KIRREL1: variants seen among roughly 807,000 people sequenced by gnomAD.
KIRREL1 encodes kin of IRRE-like protein 1.
A neutral mutation model predicts 83.3 loss-of-function variants in KIRREL1; 25 were observed. The ratio of observed to expected loss-of-function variants is 0.30; its 90% CI spans 0.22 to 0.42. The LOEUF (loss-of-function observed/expected upper bound fraction) is 0.42, where lower values mean the gene tolerates loss of function less well. KIRREL1 is among the 10% of genes least tolerant of loss of function. KIRREL1 has a pLI of 1.00. For synonymous variants in KIRREL1, 388 were observed against 410.4 expected (o/e 0.95, Z 0.66); for missense variants, 812 against 1,032.3 (o/e 0.79, Z 2.92).
chr1:158,088,950 G>A (rs1662107485), intron 8 of KIRREL1, among the ~76,000 whole-genome samples: 1 of 151,864 alleles, frequency 6.6e-6, no homozygotes, highest in Non-Finnish European at 1.5e-5. Context: ...GCCCAGTTCA[G>A]AAGCACTGGG....
chr1:158,084,833 C>T (rs1452012824), intron 4 of KIRREL1, among the ~76,000 whole-genome samples: 2 of 152,240 alleles, frequency 1.3e-5, no homozygotes, highest in East Asian at 1.9e-4. Flanking sequence ...GGATTAAGCA[C>T]CTACTGTGTG....
intron 1 of KIRREL1, among the ~76,000 whole-genome samples, chr1:158,026,689 C>A (rs1490106280): frequency 7.4e-6 from 1 of 134,566 alleles, no homozygotes; most frequent in African/African-American, 2.6e-5. Context: ...TTTTATCATC[C>A]CCATTTTACA....
intron 1 of KIRREL1, among the ~76,000 whole-genome samples, chr1:157,996,047 G>A (rs1659190244): frequency 6.7e-6 from 1 of 148,408 alleles, no homozygotes; most frequent in Admixed American, 6.7e-5. Flanking sequence ...ACGGAGGGGG[G>A]CGCTACAAAA....
At position 158,099,309 on chromosome 1, in the gene KIRREL1, G is replaced by A. The variant is rs11897; in HGVS notation, c.*4189G>A. The A allele has an allele frequency of 0.7, 106,941 of 152,178 alleles. 37,876 individuals are homozygous for A. Among genetic ancestry groups the A allele is most frequent in the South Asian group, 0.81 (3,892 of 4,820 alleles). The allele number at this position is 152,178 out of a possible 1,614,324, so 9.4% of individuals were successfully genotyped here. A position where few individuals can be genotyped will look rare whatever the true frequency, so the allele number is the denominator to read the frequency against. ...AGGCATTTATTTTTGTGAAGATGCT[G>A]TAAAATTAGCATTTAAATATCCCAT... On this transcript the variant is annotated 3_prime_UTR_variant, in exon 15 of 15. Coordinates refer to ENST00000359209, the MANE Select transcript of KIRREL1 (RefSeq NM_018240.7).
intron 1 of KIRREL1, among the ~76,000 whole-genome samples, chr1:158,070,403 G>A (rs7547764): frequency 0.3 from 46,021 of 152,080 alleles, 7,208 homozygotes; most frequent in Non-Finnish European, 0.34. Context: ...TGCAGAAACA[G>A]TGTCTACAAG....
intron 1 of KIRREL1, among the ~76,000 whole-genome samples, chr1:158,005,564 A>G (rs1659493589): frequency 6.6e-6 from 1 of 151,852 alleles, no homozygotes; most frequent in Non-Finnish European, 1.5e-5. Flanking sequence ...TTTAATGAAA[A>G]AAGTCCTCAT....
In KIRREL1 at chr1:158,093,342, T is replaced by G. The variant is rs765667851; in HGVS notation, c.1475T>G (p.Val492Gly). The G allele has an allele frequency of 6.2e-7, 1 of 1,613,380 alleles. No individual in the cohort carries two copies. The highest frequency in any genetic ancestry group is 1.1e-5 in the South Asian group (1 of 91,064). The change falls in exon 12 of 15, where the codon GTG (valine) becomes GGG (glycine). Residue 492 changes from valine (V) to glycine (G), a missense_variant. Transcript: ENST00000359209. ...TAIIQLEERE[V>G]LPVGIIAGAT... The stretch of plus-strand genomic sequence containing the variant: ...ACCTTTCCTTCCCCATCGAAAGAGG[T>G]GTTACCTGTGGGCATCATAGCTGGG...
intron 1 of KIRREL1, among the ~76,000 whole-genome samples, chr1:158,033,847 G>A (rs955442403): frequency 6.6e-6 from 1 of 152,058 alleles, no homozygotes; most frequent in Admixed American, 6.5e-5. Context: ...AGGCATGGTG[G>A]CACGTGCCTG....
intron 1 of KIRREL1, among the ~76,000 whole-genome samples, chr1:158,053,808 C>G (rs1660969992): frequency 6.6e-6 from 1 of 152,144 alleles, no homozygotes; most frequent in Non-Finnish European, 1.5e-5. Context: ...TAGTAGGTCC[C>G]CAATGCTTGT....
At position 158,093,350 on chromosome 1, in the gene KIRREL1, G is replaced by A; in HGVS notation, c.1483G>A (p.Val495Met). 1 of 1,614,082 alleles carries A rather than the reference G, an allele frequency of 6.2e-7. No homozygotes were observed. Among genetic ancestry groups the A allele is most frequent in the Non-Finnish European group, 8.5e-7 (1 of 1,179,906 alleles). The change falls in exon 12 of 15, where the codon GTG (valine) becomes ATG (methionine). Residue 495 changes from valine to methionine, a missense_variant. Around this residue, in one of 3 missense-constraint regions of KIRREL1, gnomAD observed 334 missense variants for 383.7 expected, o/e 0.87. Transcript: ENST00000359209. ...TTCCCCATCGAAAGAGGTGTTACCT[G>A]TGGGCATCATAGCTGGGGCCACCAT... is the stretch of plus-strand genomic sequence containing the variant. ...IQLEEREVLP[V>M]GIIAGATIGA...
At chr1:158,028,780 C>T (rs887997565) in intron 1 of KIRREL1, among the ~76,000 whole-genome samples, 1 of 152,052 alleles carries the variant, frequency 6.6e-6, no homozygotes, top group African/African-American at 2.4e-5. Flanking sequence ...TTATTATGTC[C>T]ATTTCATAGG....
chr1:158,088,196 G>T lies in KIRREL1; in HGVS notation c.916+42G>T, dbSNP rs12734495. 9,214 of 1,613,782 alleles carry T rather than the reference G, an allele frequency of 5.7e-3. 30 individuals are homozygous for T. Among genetic ancestry groups the T allele is most frequent in the Non-Finnish European group, 7.0e-3 (8,273 of 1,179,794 alleles). On this transcript the variant is annotated intron_variant, in intron 7 of 14. Coordinates refer to ENST00000359209, the MANE Select transcript of KIRREL1 (RefSeq NM_018240.7). ...GCAGGGACGGGGACAGAGAGCAGGGGCCCCCAAAGGGCCTTGGACAGAGTC... is the reference window on the plus strand; with the variant it reads ...GCAGGGACGGGGACAGAGAGCAGGGTCCCCCAAAGGGCCTTGGACAGAGTC...
At chr1:158,014,827 G>A (rs1394988120) in intron 1 of KIRREL1, among the ~76,000 whole-genome samples, 2 of 151,976 alleles carry the variant, frequency 1.3e-5, no homozygotes, top group Non-Finnish European at 2.9e-5. Context: ...TGTTAACTGC[G>A]GCCCTCTAGA....
At position 158,091,469 on chromosome 1, in the gene KIRREL1, A is replaced by G. The variant is rs1402113634; in HGVS notation, c.1384A>G (p.Met462Val). The change falls in exon 11 of 15, where the codon ATG becomes GTG. Residue 462 changes from methionine (M) to valine (V), a missense_variant. Transcript: ENST00000359209. ...ATCCACGCTCACCATCAACAATGTCATGGAGGCCGACTTTCAGACTCACTA... is the reference window on the plus strand; with the variant it reads ...ATCCACGCTCACCATCAACAATGTCGTGGAGGCCGACTTTCAGACTCACTA... ...VLSTLTINNV[M>V]EADFQTHYNC... The G allele has an allele frequency of 6.2e-7, 1 of 1,613,948 alleles. No homozygotes were observed. Among genetic ancestry groups the G allele is most frequent in the Non-Finnish European group, 8.5e-7 (1 of 1,179,766 alleles).
chr1:158,005,822 T>TAG (rs1316304960), intron 1 of KIRREL1, among the ~76,000 whole-genome samples: 1 of 152,010 alleles, frequency 6.6e-6, no homozygotes, highest in East Asian at 1.9e-4. Flanking sequence ...ATGAGCGAAC[T>TAG]CACTCTCTCC....
At chr1:158,034,969 A>G (rs2101678245) in intron 1 of KIRREL1, among the ~76,000 whole-genome samples, 1 of 152,250 alleles carries the variant, frequency 6.6e-6, no homozygotes, top group East Asian at 1.9e-4. Context: ...CTATTTAACA[A>G]ACATCTTTAC....
intron 8 of KIRREL1, 76 bp from the exon 9 acceptor site, chr1:158,089,426 C>T (rs1353328943): frequency 6.3e-7 from 1 of 1,589,800 alleles, no homozygotes; most frequent in East Asian, 2.2e-5. Context: ...TTTCCGATGC[C>T]TCCGATGTGG....
chr1:158,017,697 A>G (rs1475970322), intron 1 of KIRREL1, among the ~76,000 whole-genome samples: 1 of 152,070 alleles, frequency 6.6e-6, no homozygotes, highest in Non-Finnish European at 1.5e-5. Flanking sequence ...GTCTCAAAAA[A>G]ACAAAAATAA....
chr1:158,007,445 C>CT (rs907105341), intron 1 of KIRREL1, among the ~76,000 whole-genome samples: 7 of 152,008 alleles, frequency 4.6e-5, no homozygotes, highest in African/African-American at 1.7e-4. Flanking sequence ...CCAGTGAGGG[C>CT]TATGTGGGCT....
Sources: gnomAD v4.1 joint callset for allele counts (sites outside exome capture counted in the v4.1 genomes callset) on GRCh38, gnomAD v4.1.1 for gene constraint, gnomAD v4.1.1 regional missense constraint, MANE v1.5 for transcripts, NCBI Gene and HGNC (gene_info 2026-07-23, HGNC 2026-07-21) for gene names.